Variants in PRR5L observed in about 807,000 individuals in gnomAD.
PRR5L encodes the protein proline-rich protein 5-like.
In PRR5L, 21 loss-of-function variants were observed where a neutral mutation model predicts 36.4. The observed-to-expected ratio is 0.58, with a 90% CI of 0.41 to 0.83. PRR5L has a LOEUF of 0.83. Ranked by LOEUF, PRR5L falls within the 40% of genes least tolerant of loss-of-function variation. The probability of loss-of-function intolerance (pLI) is 0.00; values close to 1 mark genes in which losing one functional copy is unlikely to be tolerated. For synonymous variants in PRR5L, 188 were observed against 197.0 expected, an observed-to-expected ratio of 0.95 and a Z score of 0.38; for missense variants, 381 against 473.3, an observed-to-expected ratio of 0.80 and a Z score of 1.81.
chr11:36,329,486 C>A (rs1417153325), intron 1 of PRR5L: 1 of 152,172 alleles, frequency 6.6e-6, no homozygotes, highest in Non-Finnish European at 1.5e-5. Flanking sequence ...AATCTGATAA[C>A]CCACAGGGTG....
intron 1 of PRR5L, among the ~76,000 whole-genome samples, chr11:36,391,473 C>T (rs1305532643): frequency 4.6e-5 from 7 of 152,176 alleles, no homozygotes; most frequent in Admixed American, 4.6e-4. Context: ...CCTGTGATAC[C>T]TCCCAGTAAC....
At chr11:36,348,150 T>C (rs1856886346) in intron 1 of PRR5L, among the ~76,000 whole-genome samples, 1 of 152,116 alleles carries the variant, frequency 6.6e-6, no homozygotes, top group Non-Finnish European at 1.5e-5. Flanking sequence ...GTCTTCTAGT[T>C]TGCTCCTGTA....
intron 6 of PRR5L, among the ~76,000 whole-genome samples, chr11:36,440,236 C>G (rs11493515): frequency 1.3e-5 from 2 of 151,814 alleles, no homozygotes; most frequent in African/African-American, 4.8e-5. Context: ...ACCTCCCCCC[C>G]ACCTATGCTG....
At chr11:36,347,833 G>A (rs1856882758) in intron 1 of PRR5L, among the ~76,000 whole-genome samples, 1 of 151,924 alleles carries the variant, frequency 6.6e-6, no homozygotes, top group Admixed American at 6.6e-5. Context: ...AGGAGCTTGG[G>A]GAGGGGGAAA....
At chr11:36,443,495 C>A (rs1182496450) in intron 6 of PRR5L, among the ~76,000 whole-genome samples, 1 of 152,164 alleles carries the variant, frequency 6.6e-6, no homozygotes, top group African/African-American at 2.4e-5. Flanking sequence ...TCTTGATATT[C>A]TTGGGAAGAT....
intron 1 of PRR5L, among the ~76,000 whole-genome samples, chr11:36,370,334 T>C (rs1479585132): frequency 6.6e-6 from 1 of 152,206 alleles, no homozygotes; most frequent in Non-Finnish European, 1.5e-5. Context: ...TGACCCTATG[T>C]AAAGCATTTC....
chr11:36,336,676 T>C (rs1251297276), intron 1 of PRR5L, among the ~76,000 whole-genome samples: 2 of 152,114 alleles, frequency 1.3e-5, no homozygotes, highest in Non-Finnish European at 2.9e-5. Flanking sequence ...ATAAACGTCA[T>C]TCTCATCAAT....
rs182596660 is a variant in PRR5L at position 36,373,388 on chromosome 11, C to T, written c.-125-27609C>T. 5.9e-5 allele frequency among the ~76,000 whole-genome samples: 9 copies of T among 152,198 alleles called. No homozygotes were observed. The East Asian group carries it at 1.7e-3, about 29-fold the overall frequency. On this transcript the variant is annotated intron_variant, in intron 1 of 8. Transcript: ENST00000530639. ...GCTGGTGACAAGCATCATATATTGG[C>T]ATTAATGGTCCTTAAGGAGAAGCTC... is the stretch of plus-strand genomic sequence containing the variant.
At chr11:36,351,151 AAT>A (rs1491404491) in intron 1 of PRR5L, among the ~76,000 whole-genome samples, 1 of 108,812 alleles carries the variant, frequency 9.2e-6, no homozygotes, top group African/African-American at 3.7e-5. Flanking sequence ...TATATTTATA[AAT>A]ATATATAATT....
chr11:36,341,167 C>A (rs938267738), intron 1 of PRR5L, among the ~76,000 whole-genome samples: 2 of 152,290 alleles, frequency 1.3e-5, no homozygotes, highest in Non-Finnish European at 2.9e-5. Flanking sequence ...TCCTGAGCCT[C>A]CCTGTGCTGC....
At chr11:36,391,567 T>TA (rs1376228159) in intron 1 of PRR5L, among the ~76,000 whole-genome samples, 17 of 152,012 alleles carry the variant, frequency 1.1e-4, no homozygotes, top group Admixed American at 9.8e-4. Flanking sequence ...CCAAAACTTT[T>TA]AAGTTGCTTT....
At chr11:36,333,870 T>C (rs533397683) in intron 1 of PRR5L, among the ~76,000 whole-genome samples, 2 of 152,252 alleles carry the variant, frequency 1.3e-5, no homozygotes, top group South Asian at 4.1e-4. Flanking sequence ...CAGGGGTTTA[T>C]TGTATATAAA....
chr11:36,351,671 ATACT>A (rs1374068755), intron 1 of PRR5L, among the ~76,000 whole-genome samples: 4 of 4,560 alleles, frequency 8.8e-4, no homozygotes, highest in African/African-American at 2.2e-3. Context: ...ATATATTTAT[ATACT>A]TATATATTTA....
chr11:36,403,193 G>A, intron 2 of PRR5L, 105 bp from the exon 3 acceptor site: 1 of 889,002 alleles, frequency 1.1e-6, no homozygotes, highest in Non-Finnish European at 1.8e-6. Flanking sequence ...CCAGGTTTGT[G>A]CTATGAGCTT....
At chr11:36,412,738 T>C (rs539731175) in intron 3 of PRR5L, among the ~76,000 whole-genome samples, 1 of 152,306 alleles carries the variant, frequency 6.6e-6, no homozygotes, top group African/African-American at 2.4e-5. Flanking sequence ...GCCTTGATAT[T>C]TTTTACTGTC....
In PRR5L at chr11:36,414,563, GTTTT is replaced by G. The variant is rs1374632183; in HGVS notation, c.246-4688_246-4685del. 2.8e-5 allele frequency among the ~76,000 whole-genome samples: 4 copies of G among 142,288 alleles called. No homozygotes were observed. The South Asian group carries it at 7.1e-4, about 25-fold the overall frequency. The allele number at this position is 142,288 out of a possible 152,430, so 93.3% of individuals were successfully genotyped here. On this transcript the variant is annotated intron_variant, in intron 3 of 8. Transcript: ENST00000530639. ...CGCCCACTTTTTGATGGGGTTGTTT[GTTTT>G]TTTCTTGTAAATTTGTTTGAGTTCA...
chr11:36,404,996 T>C (rs1008416829), intron 3 of PRR5L, among the ~76,000 whole-genome samples: 3 of 152,174 alleles, frequency 2.0e-5, no homozygotes, highest in Non-Finnish European at 4.4e-5. Context: ...TAGTTCACAA[T>C]AGAAGTATAA....
At chr11:36,438,166 A>C (rs1330578139) in intron 6 of PRR5L, among the ~76,000 whole-genome samples, 2 of 152,202 alleles carry the variant, frequency 1.3e-5, no homozygotes, top group Non-Finnish European at 2.9e-5. Context: ...CTGTAGAGCT[A>C]ATACCACGAT....
rs1415842177 is a variant in PRR5L at position 36,462,480 on chromosome 11, G to C, written c.851G>C (p.Cys284Ser). 2.5e-6 allele frequency: 4 copies of C among 1,608,840 alleles called. No homozygotes were observed. In the Admixed American group the frequency reaches 6.7e-5, roughly 27 times the overall value. The part of the protein sequence containing the change: ...EQEGEAYLEK[C>S]GSVRRHTVAN... ...GAGGGGGAAGCCTACCTGGAGAAGTGTGGCAGCGTGCGGCGGCACACGGTG... is the reference window on the plus strand; with the variant it reads ...GAGGGGGAAGCCTACCTGGAGAAGTCTGGCAGCGTGCGGCGGCACACGGTG... Residue 284 changes from cysteine (C) to serine (S), a missense_variant, in exon 9 of 9, where the codon TGT (cysteine) becomes TCT (serine). By Grantham distance (112) the Cys-to-Ser change is moderately radical. Coordinates refer to ENST00000530639, the MANE Select transcript of PRR5L (RefSeq NM_001160167.2).
Sources: allele counts gnomAD v4.1 joint callset (sites outside exome capture counted in the v4.1 genomes callset), GRCh38; gene constraint gnomAD v4.1.1; transcripts MANE v1.5; gene names NCBI Gene and HGNC (gene_info 2026-07-23, HGNC 2026-07-21).